Variants in C16orf87 observed in about 807,000 individuals in gnomAD.
C16orf87 encodes the protein HDAC and MIER1 interacting protein 1.
A neutral mutation model predicts 21.0 loss-of-function variants in C16orf87; 13 were observed. The observed-to-expected ratio is 0.62, with a 90% CI of 0.40 to 0.98. The LOEUF (loss-of-function observed/expected upper bound fraction) is 0.98. Among genes scored for constraint, C16orf87 ranks in the 50% least tolerant of loss-of-function variants. C16orf87 has a pLI of 0.00. For missense variants in C16orf87, 113 were observed against 180.4 expected (o/e 0.63, Z 2.14); for synonymous variants, 49 against 60.2 (o/e 0.81, Z 0.86).
In C16orf87 at chr16:46,823,968, T is replaced by C. The variant is rs948427608; in HGVS notation, c.163+418A>G. 2.6e-5 allele frequency among the ~76,000 whole-genome samples: 4 copies of C among 152,346 alleles called. No individual in the cohort carries two copies. In the East Asian group the frequency reaches 7.7e-4, roughly 29 times the overall value. On this transcript the variant is annotated intron_variant, in intron 2 of 3. Transcript: ENST00000285697. ...GGAACTAGAACACTTTTGAAATTGA[T>C]GAATGTTCATAATATTGATTGTGGT...
intron 2 of C16orf87, among the ~76,000 whole-genome samples, chr16:46,809,995 G>A (rs529733903): frequency 6.6e-6 from 1 of 152,276 alleles, no homozygotes; most frequent in African/African-American, 2.4e-5. Flanking sequence ...AACACATGAA[G>A]TAGGAGGAAT....
rs1300707607 is a variant in C16orf87 at position 46,809,699 on chromosome 16, T to G, written c.250A>C (p.Arg84=). The G allele has an allele frequency of 3.7e-6, 6 of 1,609,430 alleles. No individual in the cohort carries two copies. In the African/African-American group the frequency reaches 5.3e-5, roughly 14 times the overall value. The stretch of plus-strand genomic sequence containing the variant: ...TGGCTGTTACTTCGAGACCTCTTTC[T>G]GTTTTCTAAATCTTTATTTACTGTA... ...NSTVNKDLEN[R]KRSRSNSHSD... The change falls in exon 3 of 4, where the codon AGA becomes CGA. Residue 84 remains arginine (R), a synonymous_variant. Transcript: ENST00000285697.
chr16:46,813,767 T>C (rs1968166061), intron 2 of C16orf87, among the ~76,000 whole-genome samples: 1 of 152,214 alleles, frequency 6.6e-6, no homozygotes, highest in Admixed American at 6.5e-5. Flanking sequence ...TAAGCCTTTT[T>C]TTCTCTTCAG....
rs953682108 is a variant in C16orf87 at position 46,815,184 on chromosome 16, C to T, written c.164-5399G>A. On this transcript the variant is annotated intron_variant, in intron 2 of 3. Transcript: ENST00000285697. ...TATCTACACAATGTAGCATAATTCACACTAGCCAAAAAATGAAGTTAGACC... is the reference window on the plus strand; with the variant it reads ...TATCTACACAATGTAGCATAATTCATACTAGCCAAAAAATGAAGTTAGACC... Among the ~76,000 whole-genome samples, 8 of 152,024 alleles carry T rather than the reference C, an allele frequency of 5.3e-5. No homozygotes were observed. The South Asian group carries it at 1.2e-3, about 24-fold the overall frequency.
chr16:46,801,735 T>C lies in C16orf87; in HGVS notation c.*1217A>G, dbSNP rs200736656. 3.3e-5 allele frequency: 5 copies of C among 152,276 alleles called. No homozygotes were observed. The East Asian group carries it at 7.7e-4, about 23-fold the overall frequency. The allele number at this position is 152,276 out of a possible 1,614,324, so 9.4% of individuals were successfully genotyped here. The stretch of plus-strand genomic sequence containing the variant: ...GGAGATGCAGGATGAAGTCTGAAAT[T>C]GATAATGTTACGGCTAAAATTGAAA... On this transcript the variant is annotated 3_prime_UTR_variant, in exon 4 of 4. Transcript: ENST00000285697.
chr16:46,825,889 G>A (rs979452604), intron 1 of C16orf87, among the ~76,000 whole-genome samples: 2 of 150,246 alleles, frequency 1.3e-5, no homozygotes, highest in African/African-American at 4.9e-5. Flanking sequence ...ACTCTAGCCT[G>A]GGCAACATGA....
chr16:46,826,647 G>A (rs1959631928), intron 1 of C16orf87, among the ~76,000 whole-genome samples: 1 of 152,096 alleles, frequency 6.6e-6, no homozygotes, highest in South Asian at 2.1e-4. Flanking sequence ...TGTTAAGAAT[G>A]TAATGAGATC....
intron 2 of C16orf87, among the ~76,000 whole-genome samples, chr16:46,814,252 G>T (rs942620273): frequency 3.3e-5 from 5 of 152,206 alleles, no homozygotes; most frequent in African/African-American, 1.2e-4. Context: ...CCCAAAGGAG[G>T]ATTCTCAAGG....
At chr16:46,825,091 A>AAAACT (rs1959564377) in intron 1 of C16orf87, among the ~76,000 whole-genome samples, 1 of 152,236 alleles carries the variant, frequency 6.6e-6, no homozygotes, top group Non-Finnish European at 1.5e-5. Flanking sequence ...ATAGGGTCAG[A>AAAACT]GCAAGGGGAA....
At chr16:46,821,048 A>C (rs1343890366) in intron 2 of C16orf87, among the ~76,000 whole-genome samples, 1 of 152,226 alleles carries the variant, frequency 6.6e-6, no homozygotes. Context: ...GACATTAAGC[A>C]CTTGATAAAT....
chr16:46,813,752 T>C (rs1968165453), intron 2 of C16orf87, among the ~76,000 whole-genome samples: 1 of 152,206 alleles, frequency 6.6e-6, no homozygotes, highest in Non-Finnish European at 1.5e-5. Flanking sequence ...CGGCTCTTCA[T>C]AAGATAAGCC....
intron 2 of C16orf87, among the ~76,000 whole-genome samples, chr16:46,811,733 T>C (rs1968091580): frequency 6.6e-6 from 1 of 152,040 alleles, no homozygotes; most frequent in Non-Finnish European, 1.5e-5. Context: ...TTCTTCAACA[T>C]CTAACTTGCA....
intron 1 of C16orf87, among the ~76,000 whole-genome samples, chr16:46,828,314 T>G (rs1021107197): frequency 2.6e-5 from 4 of 152,144 alleles, no homozygotes; most frequent in Admixed American, 6.5e-5. Context: ...CCAAAGGAAC[T>G]TATACCAGAC....
At chr16:46,825,429 TTTCTTAAA>T (rs112494969) in intron 1 of C16orf87, among the ~76,000 whole-genome samples, 149,788 of 152,098 alleles carry the variant, frequency 0.98, 73,790 homozygotes, top group East Asian at 1. Flanking sequence ...CAACCAGATT[TTTCTTAAA>T]TTCTTAAATT....
Position 46,829,281 on chromosome 16 carries a change from A to G in C16orf87, c.66+1803T>C, listed in dbSNP as rs578110696. Among the ~76,000 whole-genome samples the G allele has an allele frequency of 2.6e-5, 4 of 152,326 alleles. No homozygotes were observed. In the South Asian group the frequency reaches 8.3e-4, roughly 32 times the overall value. On this transcript the variant is annotated intron_variant, in intron 1 of 3. Transcript: ENST00000285697. ...TTGTTATGGCAGCCAAAGCTGGGTAAGCTGATTTTATATGAAAGAATAAAT... is the reference window on the plus strand; with the variant it reads ...TTGTTATGGCAGCCAAAGCTGGGTAGGCTGATTTTATATGAAAGAATAAAT...
At chr16:46,816,406 A>G (rs1968241347) in intron 2 of C16orf87, among the ~76,000 whole-genome samples, 1 of 152,230 alleles carries the variant, frequency 6.6e-6, no homozygotes, top group South Asian at 2.1e-4. Flanking sequence ...TCCCACAATA[A>G]AAGTATTTTC....
intron 1 of C16orf87, among the ~76,000 whole-genome samples, chr16:46,830,256 GAGAGAGACAGAC>G (rs1959789096): frequency 7.5e-6 from 1 of 133,996 alleles, no homozygotes; most frequent in Non-Finnish European, 1.6e-5. Context: ...TAGAGAGATA[GAGAGAGACAGAC>G]AGAGAGAGAG....
At chr16:46,818,045 T>C (rs1959264422) in intron 2 of C16orf87, among the ~76,000 whole-genome samples, 1 of 152,142 alleles carries the variant, frequency 6.6e-6, no homozygotes, top group African/African-American at 2.4e-5. Flanking sequence ...TTTTCTAATT[T>C]TTGTATTTTT....
chr16:46,822,913 T>C (rs1449141645), intron 2 of C16orf87, among the ~76,000 whole-genome samples: 1 of 152,246 alleles, frequency 6.6e-6, no homozygotes, highest in Non-Finnish European at 1.5e-5. Context: ...CAAAGCCCTA[T>C]ACAATCTAGC....
Sources: gnomAD v4.1 joint callset for allele counts (sites outside exome capture counted in the v4.1 genomes callset) on GRCh38, gnomAD v4.1.1 for gene constraint, MANE v1.5 for transcripts, NCBI Gene and HGNC (gene_info 2026-07-23, HGNC 2026-07-21) for gene names.